Variants in APBB2 observed in about 807,000 individuals in gnomAD.
The protein encoded by APBB2 is amyloid beta precursor protein binding family B member 2.
Under a neutral mutation model 82.5 loss-of-function variants are expected in APBB2, and 38 were observed. The observed-to-expected ratio is 0.46, with a 90% CI of 0.36 to 0.60. The LOEUF is 0.60. Among genes scored for constraint, APBB2 ranks in the 20% least tolerant of loss-of-function variants. The pLI is 0.00. For synonymous variants in APBB2, 341 were observed against 368.2 expected (o/e 0.93, Z 0.85); for missense variants, 772 against 972.3 (o/e 0.79, Z 2.74).
intron 12 of APBB2, among the ~76,000 whole-genome samples, chr4:40,889,036 TC>T (rs1190802597): frequency 6.6e-6 from 1 of 152,226 alleles, no homozygotes; most frequent in Non-Finnish European, 1.5e-5. Flanking sequence ...GGGCTACAGC[TC>T]TGGCAAGCAA....
chr4:40,874,482 C>T (rs1475488756), intron 12 of APBB2, among the ~76,000 whole-genome samples: 2 of 152,006 alleles, frequency 1.3e-5, no homozygotes, highest in Non-Finnish European at 2.9e-5. Flanking sequence ...AAGAACACAA[C>T]ACTTTTCAGA....
chr4:40,907,372 TATATA>T (rs1335965949), intron 10 of APBB2, among the ~76,000 whole-genome samples: 11 of 33,408 alleles, frequency 3.3e-4, no homozygotes, highest in African/African-American at 1.8e-3. Flanking sequence ...TATATATATA[TATATA>T]TATTTTTTTT....
chr4:41,016,432 C>T (rs547480764), intron 5 of APBB2, among the ~76,000 whole-genome samples: 2 of 152,210 alleles, frequency 1.3e-5, no homozygotes, highest in South Asian at 2.1e-4. Flanking sequence ...GAGGCTGAGG[C>T]GGGCAGATCA....
chr4:40,924,860 A>C, intron 10 of APBB2, among the ~76,000 whole-genome samples: 1 of 152,258 alleles, frequency 6.6e-6, no homozygotes, highest in East Asian at 1.9e-4. Context: ...TGTTATCCAC[A>C]GTATTGGGCA....
chr4:41,165,351 G>A (rs764808241), intron 1 of APBB2, among the ~76,000 whole-genome samples: 2 of 152,132 alleles, frequency 1.3e-5, no homozygotes, highest in African/African-American at 2.4e-5. Context: ...CTACCCACAA[G>A]GAGTCAGAGG....
intron 12 of APBB2, chr4:40,879,995 C>T (rs1768000521): frequency 1.0e-6 from 1 of 985,122 alleles, no homozygotes; most frequent in Non-Finnish European, 1.2e-6. Context: ...CCCAGCAGAC[C>T]CAGGACAATA....
chr4:40,834,502 T>C (rs7699107), intron 12 of APBB2, among the ~76,000 whole-genome samples: 91,598 of 152,074 alleles, frequency 0.6, 28,607 homozygotes, highest in African/African-American at 0.68. Context: ...CCTGCCTTTT[T>C]GGCACCTGAC....
intron 6 of APBB2, among the ~76,000 whole-genome samples, chr4:40,984,010 ATCTG>A (rs1363521641): frequency 6.6e-6 from 1 of 152,210 alleles, no homozygotes; most frequent in Non-Finnish European, 1.5e-5. Flanking sequence ...GTCAGCAACC[ATCTG>A]GTTAAAGTGC....
intron 3 of APBB2, among the ~76,000 whole-genome samples, chr4:41,070,655 C>T (rs1733522228): frequency 2.6e-5 from 4 of 152,132 alleles, no homozygotes; most frequent in Non-Finnish European, 5.9e-5. Flanking sequence ...CTAAAAATAA[C>T]TTTAATAATA....
At chr4:40,877,522 T>C (rs1767218544) in intron 12 of APBB2, among the ~76,000 whole-genome samples, 1 of 152,158 alleles carries the variant, frequency 6.6e-6, no homozygotes, top group Admixed American at 6.5e-5. Flanking sequence ...ATACTTTCAA[T>C]CTGAACTAAA....
chr4:40,852,623 CAAAGA>C (rs1447175290), intron 12 of APBB2, among the ~76,000 whole-genome samples: 3 of 151,156 alleles, frequency 2.0e-5, no homozygotes, highest in African/African-American at 7.3e-5. Flanking sequence ...ACTGGAGAAC[CAAAGA>C]AAAGAAAGTC....
chr4:40,926,357 G>A (rs1046044746), intron 10 of APBB2, among the ~76,000 whole-genome samples: 8 of 152,218 alleles, frequency 5.3e-5, no homozygotes, highest in African/African-American at 1.9e-4. Context: ...ATGAGGGTGA[G>A]AAGGAGTCTG....
intron 4 of APBB2, among the ~76,000 whole-genome samples, chr4:41,037,735 C>T (rs1344008592): frequency 6.6e-6 from 1 of 152,108 alleles, no homozygotes; most frequent in East Asian, 1.9e-4. Context: ...AAACTTTACC[C>T]TAGGCTGGGT....
At chr4:41,055,921 AGT>A (rs1727678223) in intron 4 of APBB2, among the ~76,000 whole-genome samples, 1 of 152,244 alleles carries the variant, frequency 6.6e-6, no homozygotes, top group Admixed American at 6.5e-5. Context: ...GGCTGGGCGC[AGT>A]GGCTCACCCC....
At chr4:40,841,625 C>G (rs545085827) in intron 12 of APBB2, among the ~76,000 whole-genome samples, 17 of 152,020 alleles carry the variant, frequency 1.1e-4, no homozygotes, top group African/African-American at 3.6e-4. Context: ...TAGTGCCAAC[C>G]CTTACCAATC....
At chr4:40,867,926 A>G (rs1764441217) in intron 12 of APBB2, among the ~76,000 whole-genome samples, 1 of 151,352 alleles carries the variant, frequency 6.6e-6, no homozygotes, top group African/African-American at 2.4e-5. Context: ...TTTTATATAA[A>G]CCATGTGATC....
intron 1 of APBB2, among the ~76,000 whole-genome samples, chr4:41,178,659 C>T (rs1770493182): frequency 1.3e-5 from 2 of 152,100 alleles, no homozygotes; most frequent in Admixed American, 1.3e-4. Flanking sequence ...TGAGGGTCTG[C>T]AAAACATTCT....
chr4:40,954,233 C>A (rs2154385493), intron 6 of APBB2, among the ~76,000 whole-genome samples: 1 of 152,314 alleles, frequency 6.6e-6, no homozygotes, highest in Admixed American at 6.5e-5. Context: ...GCGGAGGGCA[C>A]AGGAAGGAGG....
intron 8 of APBB2, 131 bp downstream of exon 8, chr4:40,934,946 G>T: frequency 1.3e-6 from 1 of 780,818 alleles, no homozygotes; most frequent in Non-Finnish European, 2.0e-6. Flanking sequence ...TGAGCTGAAT[G>T]CCCCTAGCAA....
Sources: gnomAD v4.1 joint callset for allele counts (sites outside exome capture counted in the v4.1 genomes callset) on GRCh38, gnomAD v4.1.1 for gene constraint, MANE v1.5 for transcripts, NCBI Gene and HGNC (gene_info 2026-07-23, HGNC 2026-07-21) for gene names.